SLX4IP: variants seen among roughly 807,000 people sequenced by gnomAD.
The protein encoded by SLX4IP is SLX4 interacting protein, also known as protein SLX4IP.
SLX4IP carries 34 observed loss-of-function variants against 32.9 expected under a neutral mutation model. The ratio of observed to expected loss-of-function variants is 1.03; its 90% CI spans 0.79 to 1.38. The LOEUF (loss-of-function observed/expected upper bound fraction) is 1.38, where lower values mean the gene tolerates loss of function less well. SLX4IP is among the 40% of genes most tolerant of loss of function. The pLI is 0.00. For synonymous variants in SLX4IP, 172 were observed against 171.7 expected, an observed-to-expected ratio of 1.00 and a Z score of -0.01; for missense variants, 444 against 479.0, an observed-to-expected ratio of 0.93 and a Z score of 0.68.
chr20:10,479,405 T>A (rs1263802800), intron 2 of SLX4IP, among the ~76,000 whole-genome samples: 1 of 146,644 alleles, frequency 6.8e-6, no homozygotes, highest in Non-Finnish European at 1.5e-5. Flanking sequence ...CAGGCTGGAG[T>A]ACAGTGGCAC....
intron 1 of SLX4IP, among the ~76,000 whole-genome samples, chr20:10,456,551 A>G (rs1041808149): frequency 1.3e-5 from 2 of 152,134 alleles, no homozygotes; most frequent in Non-Finnish European, 2.9e-5. Flanking sequence ...CATGTTGGCC[A>G]GGCTGGTCTC....
At chr20:10,603,723 T>C (rs2066869922) in intron 6 of SLX4IP, among the ~76,000 whole-genome samples, 1 of 152,200 alleles carries the variant, frequency 6.6e-6, no homozygotes, top group Admixed American at 6.5e-5. Context: ...GCTCAAGCTC[T>C]GTGCGTCCCT....
At chr20:10,514,803 T>C (rs2065835800) in intron 2 of SLX4IP, among the ~76,000 whole-genome samples, 1 of 152,202 alleles carries the variant, frequency 6.6e-6, no homozygotes, top group Admixed American at 6.5e-5. Context: ...TAGTGCTTTG[T>C]ACATTTCCTT....
chr20:10,614,446 A>C (rs1854730554), intron 6 of SLX4IP, among the ~76,000 whole-genome samples: 1 of 152,150 alleles, frequency 6.6e-6, no homozygotes, highest in South Asian at 2.1e-4. Flanking sequence ...GGAGGATCAT[A>C]TGGGGTGGGC....
At chr20:10,482,508 G>T (rs1360533603) in intron 2 of SLX4IP, among the ~76,000 whole-genome samples, 1 of 152,094 alleles carries the variant, frequency 6.6e-6, no homozygotes, top group Non-Finnish European at 1.5e-5. Context: ...GTAAAGAATG[G>T]TCCCTGGAGG....
chr20:10,519,935 G>A (rs1335959183), intron 2 of SLX4IP, among the ~76,000 whole-genome samples: 1 of 151,990 alleles, frequency 6.6e-6, no homozygotes, highest in Non-Finnish European at 1.5e-5. Flanking sequence ...TCTCAGTTGT[G>A]GTTTTAATTT....
chr20:10,477,891 A>G (rs963606456), intron 2 of SLX4IP, among the ~76,000 whole-genome samples: 1 of 135,800 alleles, frequency 7.4e-6, no homozygotes, highest in Admixed American at 8.4e-5. Flanking sequence ...TCCTTGTTAC[A>G]ATCTCCCTTT....
At chr20:10,601,046 C>A (rs546333084) in intron 5 of SLX4IP, among the ~76,000 whole-genome samples, 2 of 152,160 alleles carry the variant, frequency 1.3e-5, no homozygotes, top group South Asian at 4.1e-4. Context: ...CATTGAATGC[C>A]GAGGAGTCCA....
chr20:10,530,986 A>T (rs2065984036), intron 2 of SLX4IP, among the ~76,000 whole-genome samples: 1 of 152,228 alleles, frequency 6.6e-6, no homozygotes, highest in Non-Finnish European at 1.5e-5. Flanking sequence ...CTTTACAAAC[A>T]TATTTAGATT....
intron 2 of SLX4IP, among the ~76,000 whole-genome samples, chr20:10,493,829 A>C (rs1314610718): frequency 7.1e-6 from 1 of 140,258 alleles, no homozygotes; most frequent in East Asian, 2.1e-4. Context: ...TGAGTGTTAA[A>C]CTTTACTGAA....
In SLX4IP at chr20:10,540,140, CTTCT is replaced by C. The variant is rs1490284572; in HGVS notation, c.28-16087_28-16084del. On this transcript the variant is annotated intron_variant, in intron 2 of 7. Coordinates refer to ENST00000334534, the MANE Select transcript of SLX4IP (RefSeq NM_001009608.3). The stretch of plus-strand genomic sequence containing the variant: ...CCTTCCTTCCTTCCTTCCTTCCTTC[CTTCT>C]TTCCTTCCTTCCTTCTCTCCTTCCT... 5.5e-5 allele frequency among the ~76,000 whole-genome samples: 7 copies of C among 128,062 alleles called. No individual in the cohort carries two copies. In the South Asian group the frequency reaches 1.7e-3, roughly 31 times the overall value. 84.0% of individuals were successfully genotyped at this position (128,062 alleles called of 152,430 possible).
At chr20:10,452,680 A>ATATATATATATATAT (rs1555805196) in intron 1 of SLX4IP, among the ~76,000 whole-genome samples, 1 of 109,520 alleles carries the variant, frequency 9.1e-6, no homozygotes, top group African/African-American at 3.5e-5. Context: ...AAAAAAAAAA[A>ATATATATATATATAT]ATATATATAT....
chr20:10,513,747 C>T (rs2065829408), intron 2 of SLX4IP, among the ~76,000 whole-genome samples: 2 of 152,206 alleles, frequency 1.3e-5, no homozygotes, highest in South Asian at 4.1e-4. Flanking sequence ...CTATCACTGG[C>T]CATTGCCCCT....
At chr20:10,595,989 G>T (rs1174074528) in intron 4 of SLX4IP, among the ~76,000 whole-genome samples, 4 of 152,144 alleles carry the variant, frequency 2.6e-5, no homozygotes, top group Admixed American at 2.0e-4. Flanking sequence ...GGGGTGGGAG[G>T]TGTAGGGGTC....
intron 1 of SLX4IP, among the ~76,000 whole-genome samples, chr20:10,451,222 G>C (rs2065239007): frequency 6.6e-6 from 1 of 151,684 alleles, no homozygotes; most frequent in Admixed American, 6.6e-5. Flanking sequence ...GTGCAGTAGC[G>C]TAATCTCGGC....
intron 2 of SLX4IP, among the ~76,000 whole-genome samples, chr20:10,503,960 T>G (rs1007374763): frequency 6.6e-6 from 1 of 152,210 alleles, no homozygotes; most frequent in African/African-American, 2.4e-5. Flanking sequence ...CTGCAAAGAC[T>G]ATTTCCAAAT....
chr20:10,560,386 C>CTTATT (rs1354374485), intron 3 of SLX4IP, among the ~76,000 whole-genome samples: 1 of 152,216 alleles, frequency 6.6e-6, no homozygotes, highest in Non-Finnish European at 1.5e-5. Flanking sequence ...CTTTACCATA[C>CTTATT]TTATTACCTC....
chr20:10,621,560 C>G, intron 7 of SLX4IP, 146 bp downstream of exon 7: 4 of 688,150 alleles, frequency 5.8e-6, no homozygotes, highest in Non-Finnish European at 1.0e-5. Context: ...CCTCCTGACT[C>G]TCTTGCTTTC....
In SLX4IP at chr20:10,489,927, G is replaced by C. The variant is rs112353521; in HGVS notation, c.27+31696G>C. ...TAACACATGCAAATGTTTAAATCTG[G>C]TCTCTGATTTAAATTTTCTTCTGCA... On this transcript the variant is annotated intron_variant, in intron 2 of 7. Transcript: ENST00000334534. Among the ~76,000 whole-genome samples, 771 of 152,248 alleles carry C rather than the reference G, an allele frequency of 5.1e-3. 9 individuals carry two copies. The highest frequency in any genetic ancestry group is 0.017 in the African/African-American group (708 of 41,526).
Sources: allele counts gnomAD v4.1 joint callset (sites outside exome capture counted in the v4.1 genomes callset), GRCh38; gene constraint gnomAD v4.1.1; transcripts MANE v1.5; gene names NCBI Gene and HGNC (gene_info 2026-07-23, HGNC 2026-07-21).